D2HGDH: variants seen among roughly 807,000 people sequenced by gnomAD.
The protein encoded by D2HGDH is D-2-hydroxyglutarate dehydrogenase.
A neutral mutation model predicts 46.9 loss-of-function variants in D2HGDH; 31 were observed. The observed-to-expected ratio is 0.66, with a 90% confidence interval of 0.50 to 0.89. The LOEUF is 0.89. Among genes scored for constraint, D2HGDH ranks in the 40% least tolerant of loss-of-function variants. D2HGDH has a pLI of 0.00. For missense variants in D2HGDH, 698 were observed against 720.8 expected (o/e 0.97, Z 0.36); for synonymous variants, 364 against 332.6 (o/e 1.09, Z -1.03).
intron 9 of D2HGDH, among the ~76,000 whole-genome samples, chr2:241,758,234 CA>C (rs1291328171): frequency 1.3e-5 from 2 of 152,142 alleles, no homozygotes; most frequent in African/African-American, 4.8e-5. Context: ...TTCTTCTGTC[CA>C]TGCTGGATTT....
At chr2:241,756,092 C>T (rs1698144932) in intron 9 of D2HGDH, 78 bp downstream of exon 9, 13 of 1,496,594 alleles carry the variant, frequency 8.7e-6, no homozygotes, top group African/African-American at 2.8e-5. Context: ...TGCCAGGCTT[C>T]GAGGCAGGGC....
In D2HGDH at chr2:241,742,106, G is replaced by T. The variant is rs1247676515; in HGVS notation, c.351-329G>T. 6.6e-6 allele frequency among the ~76,000 whole-genome samples: 1 copy of T among 152,186 alleles called. No individual in the cohort carries two copies. Among genetic ancestry groups the T allele is most frequent in the Non-Finnish European group, 1.5e-5 (1 of 68,038 alleles). On this transcript the variant is annotated intron_variant, in intron 3 of 9. Transcript: ENST00000321264. The surrounding 1 kb of genome is among the most constrained non-coding windows in gnomAD (Gnocchi z 4.8). ...AGGCAGTGGGGGCAGTGCGGTCGAGGAACCCTGAGCTGGACCCTCTGTGAG... is the reference window on the plus strand; with the variant it reads ...AGGCAGTGGGGGCAGTGCGGTCGAGTAACCCTGAGCTGGACCCTCTGTGAG...
intron 2 of D2HGDH, among the ~76,000 whole-genome samples, chr2:241,737,108 A>G (rs1693109452): frequency 1.3e-5 from 2 of 152,140 alleles, no homozygotes; most frequent in African/African-American, 2.4e-5. Context: ...AGCTGGGACT[A>G]CAGGCGCCCG....
Position 241,743,767 on chromosome 2 carries a change from G to A in D2HGDH, c.636G>A (p.Arg212=). 1 of 1,610,812 alleles carries A rather than the reference G, an allele frequency of 6.2e-7. No homozygotes were observed. The highest frequency in any genetic ancestry group is 1.3e-5 in the African/African-American group (1 of 74,986). ...TGGCAACCAACGCTGGAGGCCTGCG[G>A]TTTCTTCGATATGGCTCACTGCATG... ...GNVATNAGGL[R]FLRYGSLHGT... is the part of the protein sequence containing the mutation. Residue 212 remains arginine, a synonymous_variant, in exon 5 of 10, where the codon CGG becomes CGA. Transcript: ENST00000321264. This position sits in a 1 kb window ranked among gnomAD's most constrained non-coding sequence, Gnocchi z 4.8.
At position 241,755,914 on chromosome 2, in the gene D2HGDH, CG is replaced by C; in HGVS notation, c.1207del (p.Asp403ThrfsTer13). On this transcript the variant is annotated frameshift_variant, in exon 9 of 10. Coordinates refer to ENST00000321264, the MANE Select transcript of D2HGDH (RefSeq NM_152783.5). LOFTEE classifies it high-confidence loss of function. ...GCCGGGATGGCTACGTGTACAAGTA[CG>C]ACCTCTCCCTCCCTGTGGAGCGGCT... is the stretch of plus-strand genomic sequence containing the variant. ...LSRDGYVYKY[D>X]LSLPVERLYD... is the part of the protein sequence containing the mutation. 6.2e-7 allele frequency: 1 copy of C among 1,613,096 alleles called. No homozygotes were observed. Among genetic ancestry groups the C allele is most frequent in the Non-Finnish European group, 8.5e-7 (1 of 1,179,652 alleles).
intron 8 of D2HGDH, among the ~76,000 whole-genome samples, chr2:241,753,482 T>A (rs1697628199): frequency 6.6e-6 from 1 of 152,174 alleles, no homozygotes; most frequent in Non-Finnish European, 1.5e-5. Context: ...TTGGCGAGGC[T>A]CTGGGCAGGT....
rs1695051997 is a variant in D2HGDH, at chr2:241,743,437, T to C, written c.491-185T>C. ...TTTTGTGTCACCATAATTATAAAGG[T>C]CCTGTGAGGCCCAGATGTTTTCGTC... On this transcript the variant is annotated intron_variant, in intron 4 of 9. Coordinates refer to ENST00000321264, the MANE Select transcript of D2HGDH (RefSeq NM_152783.5). The surrounding 1 kb of genome is among the most constrained non-coding windows in gnomAD (Gnocchi z 4.8). Among the ~76,000 whole-genome samples the C allele has an allele frequency of 1.3e-5, 2 of 152,008 alleles. No homozygotes were observed. The highest frequency in any genetic ancestry group is 1.3e-4 in the Admixed American group (2 of 15,266).
chr2:241,735,438 C>G lies in D2HGDH; in HGVS notation c.214C>G (p.Arg72Gly). The part of the protein sequence containing the change: ...VSKQDLAAFE[R>G]IVPGGVVTDP... ...TAAGCAGGACCTGGCCGCCTTTGAG[C>G]GCATCGTGCCCGGCGGGGTCGTCAC... The change falls in exon 2 of 10, where the codon CGC becomes GGC. Residue 72 changes from arginine (R) to glycine (G), a missense_variant. Arg to Gly is a moderately radical substitution (Grantham distance 125). Transcript: ENST00000321264. 6.2e-7 allele frequency: 1 copy of G among 1,609,418 alleles called. No homozygotes were observed. The highest frequency in any genetic ancestry group is 8.5e-7 in the Non-Finnish European group (1 of 1,179,454).
intron 6 of D2HGDH, among the ~76,000 whole-genome samples, chr2:241,745,716 A>G (rs1235920252): frequency 1.3e-5 from 2 of 152,208 alleles, no homozygotes; most frequent in African/African-American, 4.8e-5. Flanking sequence ...TGTTGCAAAC[A>G]TATCCTCGTT....
In D2HGDH at chr2:241,768,797, C is replaced by T. The variant is rs1254839650; in HGVS notation, c.*828C>T. 6.6e-6 allele frequency: 1 copy of T among 152,276 alleles called. No individual in the cohort carries two copies. Among genetic ancestry groups the T allele is most frequent in the African/African-American group, 2.4e-5 (1 of 41,454 alleles). The allele number at this position is 152,276 out of a possible 1,614,324, so 9.4% of individuals were successfully genotyped here. A position where few individuals can be genotyped will look rare whatever the true frequency, so the allele number is the denominator to read the frequency against. ...TCTGTCATGAATGTCCAGTAAAAAT[C>T]TGAATTGGTTGCAACCTTCTCTTTG... On this transcript the variant is annotated 3_prime_UTR_variant, in exon 10 of 10. Transcript: ENST00000321264.
In D2HGDH at chr2:241,767,704, C is replaced by T; in HGVS notation, c.1307-6C>T. The T allele has an allele frequency of 1.2e-6, 2 of 1,612,732 alleles. No homozygotes were observed. The highest frequency in any genetic ancestry group is 1.7e-6 in the Non-Finnish European group (2 of 1,179,522). On this transcript the variant is annotated splice_region_variant and splice_polypyrimidine_tract_variant and intron_variant, in intron 9 of 9. Coordinates refer to ENST00000321264, the MANE Select transcript of D2HGDH (RefSeq NM_152783.5). The stretch of plus-strand genomic sequence containing the variant: ...CAGCCTGACCCATGTGCCCTTGTCC[C>T]TCCAGGAGATGGTAACCTGCACCTC...
Position 241,742,283 on chromosome 2 carries a change from A to G in D2HGDH, c.351-152A>G. 1 of 1,024,608 alleles carries G rather than the reference A, an allele frequency of 9.8e-7. No homozygotes were observed. Among genetic ancestry groups the G allele is most frequent in the Non-Finnish European group, 1.4e-6 (1 of 707,794 alleles). The allele number at this position is 1,024,608 out of a possible 1,614,324, so 63.5% of individuals were successfully genotyped here. On this transcript the variant is annotated intron_variant, in intron 3 of 9. Coordinates refer to ENST00000321264, the MANE Select transcript of D2HGDH (RefSeq NM_152783.5). The surrounding 1 kb of genome is among the most constrained non-coding windows in gnomAD (Gnocchi z 4.8). Reference sequence around the variant, plus strand: ...TCTGTCCTTCCTCAGAATCCCTCACATGCGTGGGCTGGGGAGGAGCCCCCG... The same window carrying G: ...TCTGTCCTTCCTCAGAATCCCTCACGTGCGTGGGCTGGGGAGGAGCCCCCG...
intron 9 of D2HGDH, among the ~76,000 whole-genome samples, chr2:241,760,946 A>G (rs1054747734): frequency 7.2e-5 from 11 of 152,206 alleles, no homozygotes; most frequent in African/African-American, 2.4e-4. Flanking sequence ...TTGTTTCTCT[A>G]AATATGTATA....
intron 8 of D2HGDH, among the ~76,000 whole-genome samples, chr2:241,753,513 A>G (rs1697631563): frequency 6.6e-6 from 1 of 151,764 alleles, no homozygotes; most frequent in South Asian, 2.1e-4. Context: ...TCTGCTTTCC[A>G]CTCTGTGGTC....
chr2:241,750,307 C>T lies in D2HGDH; in HGVS notation c.997+13C>T, dbSNP rs772791154. The T allele has an allele frequency of 1.9e-6, 3 of 1,610,322 alleles. No homozygotes were observed. Among genetic ancestry groups the T allele is most frequent in the Non-Finnish European group, 8.5e-7 (1 of 1,179,524 alleles). ...AGCCCGGTGCAAGGTACTGACCCCC[C>T]ACACAGGGGGCAGCTGGTCCTGCAG... On this transcript the variant is annotated intron_variant, in intron 7 of 9. Transcript: ENST00000321264.
chr2:241,735,323 C>T lies in D2HGDH; in HGVS notation c.99C>T (p.Arg33=). 6.5e-7 allele frequency: 1 copy of T among 1,541,486 alleles called. No individual in the cohort carries two copies. The highest frequency in any genetic ancestry group is 1.2e-5 in the South Asian group (1 of 84,298). Residue 33 remains arginine, a synonymous_variant, in exon 2 of 10, where the codon CGC becomes CGT. Transcript: ENST00000321264. The part of the protein sequence containing the change: ...SWGRPVGPLA[R]RGCCSAPGTP... ...GTCGGCCGGTTGGCCCCCTGGCCCG[C>T]AGAGGCTGCTGCTCCGCCCCGGGGA...
intron 8 of D2HGDH, chr2:241,755,096 G>T: frequency 7.7e-7 from 1 of 1,303,948 alleles, no homozygotes; most frequent in Non-Finnish European, 1.0e-6. Context: ...ACCACAGGCC[G>T]ATCTGTCTGA....
rs779915637 is a variant in D2HGDH at position 241,750,292 on chromosome 2, A to G, written c.995A>G (p.Gln332Arg). 6 of 1,608,726 alleles carry G rather than the reference A, an allele frequency of 3.7e-6. No homozygotes were observed. In the South Asian group the frequency reaches 4.4e-5, roughly 12 times the overall value. ...CATCTCCACCTGGCCAGCCCGGTGC[A>G]AGGTACTGACCCCCCACACAGGGGG... The part of the protein sequence containing the change: ...GRHLHLASPV[Q>R]ESPFYVLIET... Residue 332 changes from glutamine to arginine, a missense_variant and splice_region_variant, in exon 7 of 10, where the codon CAA (glutamine) becomes CGA (arginine). Coordinates refer to ENST00000321264, the MANE Select transcript of D2HGDH (RefSeq NM_152783.5).
At position 241,742,591 on chromosome 2, in the gene D2HGDH, C is replaced by T. The variant is rs778872145; in HGVS notation, c.490+17C>T. On this transcript the variant is annotated intron_variant, in intron 4 of 9. Coordinates refer to ENST00000321264, the MANE Select transcript of D2HGDH (RefSeq NM_152783.5). The surrounding 1 kb of genome is among the most constrained non-coding windows in gnomAD (Gnocchi z 4.8). ...GCGTGTCTGGTAAGCCTGTGCCACC[C>T]GTCGGGGCCCAGGAGTCCCTCCTGG... 18 of 1,613,868 alleles carry T rather than the reference C, an allele frequency of 1.1e-5. 1 individual carries two copies. The highest frequency in any genetic ancestry group is 1.7e-5 in the Admixed American group (1 of 60,002).
Sources: gnomAD v4.1 joint callset for allele counts (sites outside exome capture counted in the v4.1 genomes callset) on GRCh38, gnomAD v4.1.1 for gene constraint, Gnocchi (gnomAD v3.1) non-coding constraint, MANE v1.5 for transcripts, NCBI Gene and HGNC (gene_info 2026-07-23, HGNC 2026-07-21) for gene names.